Variants in CREBZF observed in about 807,000 individuals in gnomAD.
CREBZF encodes CREB/ATF bZIP transcription factor, also known as HCF-binding transcription factor Zhangfei.
A neutral mutation model predicts 21.1 loss-of-function variants in CREBZF; 8 were observed. The observed-to-expected ratio is 0.38, with a 90% CI of 0.22 to 0.68. The LOEUF (loss-of-function observed/expected upper bound fraction) is 0.68, where lower values mean the gene tolerates loss of function less well. CREBZF is among the 30% of genes least tolerant of loss of function. The pLI is 0.51. For missense variants in CREBZF, 518 were observed against 484.3 expected, an observed-to-expected ratio of 1.07 and a Z score of -0.65; for synonymous variants, 270 against 223.3, an observed-to-expected ratio of 1.21 and a Z score of -1.86.
At chr11:85,673,550 T>C (rs1427285162) in intron 1 of CREBZF, among the ~76,000 whole-genome samples, 35 of 152,198 alleles carry the variant, frequency 2.3e-4, no homozygotes, top group Admixed American at 2.3e-3. Context: ...CACAATCTTT[T>C]TGCTGGTGGA....
intron 1 of CREBZF, among the ~76,000 whole-genome samples, chr11:85,671,104 A>G (rs905767200): frequency 1.3e-5 from 2 of 152,208 alleles, no homozygotes; most frequent in Non-Finnish European, 2.9e-5. Flanking sequence ...ACAGTTCCAC[A>G]TGGCTGGGGA....
chr11:85,666,557 TAAAG>T (rs2082865622), upstream of CREBZF, among the ~76,000 whole-genome samples: 1 of 152,196 alleles, frequency 6.6e-6, no homozygotes, highest in Admixed American at 6.5e-5. Flanking sequence ...TCTTAAATCT[TAAAG>T]AAACTTCTCT....
chr11:85,664,494 C>G lies in CREBZF; in HGVS notation c.382G>C (p.Gly128Arg). Residue 128 changes from glycine (G) to arginine (R), a missense_variant, in exon 1 of 1, where the codon GGG (glycine) becomes CGG (arginine). Transcript: ENST00000527447. This position sits in a 1 kb window ranked among gnomAD's most constrained non-coding sequence, Gnocchi z 5.5. ...WHLDPGLSSP[G>R]PLSSSGGGSD... ...CCTCCGCCAGACGAGGAGAGAGGCC[C>G]CGGCGAGCTAAGCCCGGGGTCCAGG... 6.2e-7 allele frequency: 1 copy of G among 1,613,702 alleles called. No individual in the cohort carries two copies. Among genetic ancestry groups the G allele is most frequent in the Non-Finnish European group, 8.5e-7 (1 of 1,179,944 alleles).
At chr11:85,674,160 A>G (rs2082929173) in intron 1 of CREBZF, among the ~76,000 whole-genome samples, 1 of 152,226 alleles carries the variant, frequency 6.6e-6, no homozygotes, top group Non-Finnish European at 1.5e-5. Flanking sequence ...TTTTGCTTAG[A>G]TAGATCAGAG....
chr11:85,670,580 C>A lies in CREBZF; in HGVS notation n.148-6979G>T, dbSNP rs550556937. On this transcript the variant is annotated intron_variant and non_coding_transcript_variant, in intron 1 of 3. Coordinates refer to the CREBZF transcript ENST00000531515. ...GCCTTCCAAAGTGCTGGATTACAGGCGTGAGCCACTGCACCCAGCCTCTCA... is the reference window on the plus strand; with the variant it reads ...GCCTTCCAAAGTGCTGGATTACAGGAGTGAGCCACTGCACCCAGCCTCTCA... 2.6e-5 allele frequency among the ~76,000 whole-genome samples: 4 copies of A among 152,090 alleles called. No individual in the cohort carries two copies. In the East Asian group the frequency reaches 7.7e-4, roughly 29 times the overall value.
intron 1 of CREBZF, among the ~76,000 whole-genome samples, chr11:85,676,041 A>G (rs1032717235): frequency 9.2e-5 from 14 of 152,224 alleles, no homozygotes; most frequent in Admixed American, 3.9e-4. Flanking sequence ...TGAGAATTAT[A>G]CTATTGTGGA....
At chr11:85,680,198 G>GT (rs1459099702) in intron 1 of CREBZF, among the ~76,000 whole-genome samples, 1 of 151,994 alleles carries the variant, frequency 6.6e-6, no homozygotes, top group Admixed American at 6.6e-5. Flanking sequence ...AGCTTGTTGT[G>GT]TTTTTTTCTG....
rs560504986 is a variant in CREBZF, at chr11:85,658,504, A to T, written c.*5307T>A. 1.5e-4 allele frequency among the ~76,000 whole-genome samples: 23 copies of T among 152,212 alleles called. No individual in the cohort carries two copies. Among genetic ancestry groups the T allele is most frequent in the African/African-American group, 4.8e-4 (20 of 41,580 alleles). On this transcript the variant is annotated 3_prime_UTR_variant, in exon 1 of 1. Coordinates refer to ENST00000527447, the MANE Select transcript of CREBZF (RefSeq NM_001039618.4). ...GCCAAAATTTTTGTTCAGAGGGCAGATATCTGCATTATTTAAGGACATTTA... is the reference window on the plus strand; with the variant it reads ...GCCAAAATTTTTGTTCAGAGGGCAGTTATCTGCATTATTTAAGGACATTTA...
chr11:85,660,496 C>T lies in CREBZF; in HGVS notation c.*3315G>A. 1 of 403,886 alleles carries T rather than the reference C, an allele frequency of 2.5e-6. No individual in the cohort carries two copies. The highest frequency in any genetic ancestry group is 4.9e-6 in the Non-Finnish European group (1 of 205,190). The allele number at this position is 403,886 out of a possible 1,614,324, so 25.0% of individuals were successfully genotyped here. ...TGGCATTCATTTTTTTCAGCAGATGCCAAATTTTTGACCGACATGGTTCTC... is the reference window on the plus strand; with the variant it reads ...TGGCATTCATTTTTTTCAGCAGATGTCAAATTTTTGACCGACATGGTTCTC... On this transcript the variant is annotated 3_prime_UTR_variant, in exon 1 of 1. Transcript: ENST00000527447.
intron 1 of CREBZF, among the ~76,000 whole-genome samples, chr11:85,675,554 A>G (rs1185076426): frequency 6.6e-6 from 1 of 152,218 alleles, no homozygotes; most frequent in East Asian, 1.9e-4. Context: ...ATGATCACAG[A>G]TCACCATGAC....
Position 85,661,783 on chromosome 11 carries a change from A to C in CREBZF, c.*2028T>G, listed in dbSNP as rs969398713. 1.3e-5 allele frequency: 2 copies of C among 152,518 alleles called. No individual in the cohort carries two copies. Among genetic ancestry groups the C allele is most frequent in the Non-Finnish European group, 2.9e-5 (2 of 67,994 alleles). 9.4% of individuals were successfully genotyped at this position (152,518 alleles called of 1,614,324 possible). ...TCAACAAACCTGGTTTTATTATGAC[A>C]CCATATTTTTGTCATTGGTACTGCA... On this transcript the variant is annotated 3_prime_UTR_variant, in exon 1 of 1. Transcript: ENST00000527447.
chr11:85,665,943 G>T (rs896628265), upstream of CREBZF, among the ~76,000 whole-genome samples: 3 of 152,196 alleles, frequency 2.0e-5, no homozygotes, highest in Non-Finnish European at 4.4e-5. Context: ...CAAAACCTCT[G>T]CAAGGATGTC....
rs1184059711 is a variant in CREBZF at position 85,659,675 on chromosome 11, A to C, written c.*4136T>G. The C allele has an allele frequency of 2.0e-5, 3 of 152,108 alleles. No individual in the cohort carries two copies. The highest frequency in any genetic ancestry group is 4.4e-5 in the Non-Finnish European group (3 of 67,934). 9.4% of individuals were successfully genotyped at this position (152,108 alleles called of 1,614,324 possible). A position where few individuals can be genotyped will look rare whatever the true frequency, so the allele number is the denominator to read the frequency against. ...ACCACGTGAAGGAATGTATTAACATAATCCAACAAAAATGAAATAAAACAA... is the reference window on the plus strand; with the variant it reads ...ACCACGTGAAGGAATGTATTAACATCATCCAACAAAAATGAAATAAAACAA... On this transcript the variant is annotated 3_prime_UTR_variant, in exon 1 of 1. Transcript: ENST00000527447.
At chr11:85,675,533 A>G (rs1236648518) in intron 1 of CREBZF, among the ~76,000 whole-genome samples, 2 of 152,190 alleles carry the variant, frequency 1.3e-5, no homozygotes, top group African/African-American at 4.8e-5. Context: ...CAATAGTAGT[A>G]TGAAAGATCA....
In CREBZF at chr11:85,664,656, C is replaced by T. The variant is rs755240641; in HGVS notation, c.220G>A (p.Ala74Thr). The T allele has an allele frequency of 2.5e-6, 4 of 1,604,626 alleles. No individual in the cohort carries two copies. Among genetic ancestry groups the T allele is most frequent in the Non-Finnish European group, 3.4e-6 (4 of 1,175,358 alleles). The change falls in exon 1 of 1, where the codon GCC (alanine) becomes ACC (threonine). Residue 74 changes from alanine (A) to threonine (T), a missense_variant. Ala to Thr is a moderately conservative substitution (Grantham distance 58). This residue lies in a region of CREBZF where 396 missense variants were observed against 324.4 expected (regional missense o/e 1.22). Coordinates refer to ENST00000527447, the MANE Select transcript of CREBZF (RefSeq NM_001039618.4). This position sits in a 1 kb window ranked among gnomAD's most constrained non-coding sequence, Gnocchi z 5.5. ...EAGRGSRGGV[A>T]VRAPSPEEME... is the part of the protein sequence containing the mutation. ...TCCTCGGGGGAGGGCGCGCGCACGG[C>T]CACGCCGCCGCGGCTCCCCCTCCCG...
intron 1 of CREBZF, among the ~76,000 whole-genome samples, chr11:85,677,159 TTC>T (rs2082948272): frequency 6.6e-6 from 1 of 151,884 alleles, no homozygotes; most frequent in African/African-American, 2.4e-5. Flanking sequence ...GAGGAGGAGT[TTC>T]ATCATGTTGG....
intron 1 of CREBZF, among the ~76,000 whole-genome samples, chr11:85,678,192 T>G (rs370313553): frequency 2.0e-5 from 3 of 152,166 alleles, no homozygotes; most frequent in African/African-American, 7.2e-5. Context: ...ATTTTTCAGG[T>G]TTATCTTGTA....
At chr11:85,677,376 A>G (rs1176395788) in intron 1 of CREBZF, among the ~76,000 whole-genome samples, 1 of 152,246 alleles carries the variant, frequency 6.6e-6, no homozygotes, top group Non-Finnish European at 1.5e-5. Context: ...GTCTGTCTAC[A>G]GATGACTTGA....
In CREBZF at chr11:85,672,921, G is replaced by A. The variant is rs191783711; in HGVS notation, n.148-9320C>T. On this transcript the variant is annotated intron_variant and non_coding_transcript_variant, in intron 1 of 3. Transcript: ENST00000531515. ...CTGGCTACCACATCCTATAAAGCTAGTGAATGGACATCGAGATGCTGTTAC... is the reference window on the plus strand; with the variant it reads ...CTGGCTACCACATCCTATAAAGCTAATGAATGGACATCGAGATGCTGTTAC... 1.6e-3 allele frequency among the ~76,000 whole-genome samples: 245 copies of A among 152,304 alleles called. 4 individuals are homozygous for A. The highest frequency in any genetic ancestry group is 5.5e-3 in the African/African-American group (229 of 41,568).
Sources: allele counts gnomAD v4.1 joint callset (sites outside exome capture counted in the v4.1 genomes callset), GRCh38; gene constraint gnomAD v4.1.1; regional missense constraint gnomAD v4.1.1; non-coding constraint Gnocchi (gnomAD v3.1); transcripts MANE v1.5; gene names NCBI Gene and HGNC (gene_info 2026-07-23, HGNC 2026-07-21).